CACNA1C: variants seen among roughly 807,000 people sequenced by gnomAD.
CACNA1C encodes voltage-dependent L-type calcium channel subunit alpha-1C.
Under a neutral mutation model 229.0 loss-of-function variants are expected in CACNA1C, and 30 were observed. That is an observed-to-expected ratio of 0.13 (90% CI 0.10 to 0.18). The LOEUF (loss-of-function observed/expected upper bound fraction) is 0.18. Among genes scored for constraint, CACNA1C ranks in the 10% least tolerant of loss-of-function variants. The pLI, the probability that CACNA1C is intolerant of heterozygous loss-of-function variation, is 1.00. For missense variants in CACNA1C, 1,658 were observed against 2,845.0 expected (o/e 0.58, Z 9.49); for synonymous variants, 1,114 against 1,132.5 (o/e 0.98, Z 0.33).
Position 2,054,505 on chromosome 12 carries a change from A to G in CACNA1C, c.49+894A>G, listed in dbSNP as rs958142970. Among the ~76,000 whole-genome samples the G allele has an allele frequency of 2.0e-5, 3 of 152,088 alleles. No homozygotes were observed. Among genetic ancestry groups the G allele is most frequent in the Non-Finnish European group, 4.4e-5 (3 of 68,000 alleles). Reference sequence around the variant, plus strand: ...TCCATCCTTGGCCGCGAGTGTCACCAGCTCCCCCTGTGATGGTGAAAGGCA... The same window carrying G: ...TCCATCCTTGGCCGCGAGTGTCACCGGCTCCCCCTGTGATGGTGAAAGGCA... On this transcript the variant is annotated intron_variant, in intron 1 of 46. Coordinates refer to ENST00000399655, the MANE Select transcript of CACNA1C (RefSeq NM_000719.7). This position sits in a 1 kb window ranked among gnomAD's most constrained non-coding sequence, Gnocchi z 5.5.
intron 9 of CACNA1C, among the ~76,000 whole-genome samples, chr12:2,537,627 A>G (rs1384960526): frequency 1.3e-5 from 2 of 152,232 alleles, no homozygotes; most frequent in African/African-American, 4.8e-5. Context: ...GTGGGTGACC[A>G]TCTGGCATGT....
rs1173696227 is a variant in CACNA1C at position 2,597,313 on chromosome 12, TC to T, written c.2853+26del. 2.3e-5 allele frequency: 37 copies of T among 1,578,068 alleles called. No homozygotes were observed. Among genetic ancestry groups the T allele is most frequent in the Non-Finnish European group, 3.1e-5 (36 of 1,147,458 alleles). ...AGGTAAAGCCCCCATCCCCTTCTGC[TC>T]CTCCTGTCCCCCTTGTGCCAGCACC... On this transcript the variant is annotated intron_variant, in intron 21 of 46. Coordinates refer to ENST00000399655, the MANE Select transcript of CACNA1C (RefSeq NM_000719.7). This position sits in a 1 kb window ranked among gnomAD's most constrained non-coding sequence, Gnocchi z 4.3.
At chr12:2,528,641 C>T (rs113620457) in intron 9 of CACNA1C, among the ~76,000 whole-genome samples, 10 of 152,260 alleles carry the variant, frequency 6.6e-5, no homozygotes, top group Non-Finnish European at 1.3e-4. Flanking sequence ...GCGGAGAAAG[C>T]GTTTGTTCAC....
chr12:2,304,913 A>C (rs536510211), intron 3 of CACNA1C, among the ~76,000 whole-genome samples: 2 of 152,162 alleles, frequency 1.3e-5, no homozygotes, highest in African/African-American at 4.8e-5. Flanking sequence ...CGGGGGCTTT[A>C]TGTTTTTACA....
rs140069350 is a variant in CACNA1C, at chr12:2,518,880, C to G, written c.1390+5896C>G. 2.6e-3 allele frequency among the ~76,000 whole-genome samples: 394 copies of G among 152,318 alleles called. 5 individuals are homozygous for G. Among genetic ancestry groups the G allele is most frequent in the African/African-American group, 8.9e-3 (371 of 41,586 alleles). On this transcript the variant is annotated intron_variant, in intron 9 of 46. Coordinates refer to ENST00000399655, the MANE Select transcript of CACNA1C (RefSeq NM_000719.7). ...CCTGGGCCTTCACGTTAACTCTTAG[C>G]TGGTCCTAATCAGAGCCCTGGAAAC...
chr12:2,533,176 G>A (rs150535804), intron 9 of CACNA1C, among the ~76,000 whole-genome samples: 30 of 152,284 alleles, frequency 2.0e-4, no homozygotes, highest in African/African-American at 6.0e-4. Context: ...GTTCATCCCC[G>A]TCTGTTCTTT....
At chr12:2,626,175 G>T (rs1304041632) in intron 29 of CACNA1C, among the ~76,000 whole-genome samples, 1 of 152,226 alleles carries the variant, frequency 6.6e-6, no homozygotes, top group Non-Finnish European at 1.5e-5. Flanking sequence ...CTGGAGCTGG[G>T]CATGGCTCCC....
At chr12:2,434,982 C>T (rs1481941187) in intron 3 of CACNA1C, among the ~76,000 whole-genome samples, 5 of 152,232 alleles carry the variant, frequency 3.3e-5, no homozygotes, top group Admixed American at 3.3e-4. Context: ...CCCAAGTCAA[C>T]GTGGATGTTA....
chr12:2,379,543 G>T (rs1033441409), intron 3 of CACNA1C, among the ~76,000 whole-genome samples: 33 of 152,118 alleles, frequency 2.2e-4, no homozygotes, highest in Non-Finnish European at 4.9e-4. Flanking sequence ...TTCTTGGTCT[G>T]CCTCCTAGGA....
intron 3 of CACNA1C, among the ~76,000 whole-genome samples, chr12:2,224,219 G>A (rs2062255252): frequency 6.6e-6 from 1 of 152,138 alleles, no homozygotes. Flanking sequence ...TGGGAGCTGG[G>A]AAATGAAGTT....
chr12:2,368,827 A>G (rs945535567), intron 3 of CACNA1C, among the ~76,000 whole-genome samples: 1 of 152,106 alleles, frequency 6.6e-6, no homozygotes, highest in African/African-American at 2.4e-5. Flanking sequence ...ATAATTCTAG[A>G]ATTTATCTGG....
chr12:2,406,048 C>T (rs960500622), intron 3 of CACNA1C, among the ~76,000 whole-genome samples: 1 of 152,342 alleles, frequency 6.6e-6, no homozygotes, highest in African/African-American at 2.4e-5. Context: ...TTGGTTGACA[C>T]TTTCCTTCAT....
chr12:2,083,141 C>T (rs11062112), intron 1 of CACNA1C, among the ~76,000 whole-genome samples: 2,419 of 152,278 alleles, frequency 0.016, 56 homozygotes, highest in African/African-American at 0.055. Flanking sequence ...ACACTGTCAT[C>T]ATTCTTTGGA....
At position 2,597,997 on chromosome 12, in the gene CACNA1C, T is replaced by C. The variant is rs1402083374; in HGVS notation, c.2853+708T>C. Among the ~76,000 whole-genome samples the C allele has an allele frequency of 6.6e-6, 1 of 152,198 alleles. No individual in the cohort carries two copies. Among genetic ancestry groups the C allele is most frequent in the African/African-American group, 2.4e-5 (1 of 41,452 alleles). On this transcript the variant is annotated intron_variant, in intron 21 of 46. Coordinates refer to ENST00000399655, the MANE Select transcript of CACNA1C (RefSeq NM_000719.7). The surrounding 1 kb of genome is among the most constrained non-coding windows in gnomAD (Gnocchi z 4.3). The stretch of plus-strand genomic sequence containing the variant: ...CCTTCCTCAGTACTTGCAGCAGATA[T>C]TGGGTCTAAGCTGGAGTTGGGGCTG...
At chr12:2,554,756 C>T (rs745593393) in intron 10 of CACNA1C, among the ~76,000 whole-genome samples, 3 of 152,178 alleles carry the variant, frequency 2.0e-5, no homozygotes, top group Non-Finnish European at 2.9e-5. Flanking sequence ...AGAACCAAGG[C>T]GTTCAGACGT....
chr12:2,229,949 G>C (rs1377098368), intron 3 of CACNA1C, among the ~76,000 whole-genome samples: 3 of 152,202 alleles, frequency 2.0e-5, no homozygotes, highest in Non-Finnish European at 4.4e-5. Flanking sequence ...GCTATCCCAG[G>C]TGAGCATGGC....
rs1195724102 is a variant in CACNA1C, at chr12:2,108,502, T to C, written c.50-6722T>C. On this transcript the variant is annotated intron_variant, in intron 1 of 46. Coordinates refer to ENST00000399655, the MANE Select transcript of CACNA1C (RefSeq NM_000719.7). This position sits in a 1 kb window ranked among gnomAD's most constrained non-coding sequence, Gnocchi z 5.3. ...CCCACCTGACGTAGTTTTGATTCAG[T>C]TCTTGATTGGCAAAAGTTGTGTCAG... Among the ~76,000 whole-genome samples, 1 of 152,232 alleles carries C rather than the reference T, an allele frequency of 6.6e-6. No homozygotes were observed.
At chr12:2,010,614 T>C (rs1298132538) in intron 1 of CACNA1C, among the ~76,000 whole-genome samples, 1 of 152,224 alleles carries the variant, frequency 6.6e-6, no homozygotes, top group Non-Finnish European at 1.5e-5. Context: ...ATTAATTTAC[T>C]GTCACTGTCA....
intron 1 of CACNA1C, among the ~76,000 whole-genome samples, chr12:1,982,983 CTTGAG>C (rs1224195598): frequency 1.3e-5 from 2 of 151,984 alleles, no homozygotes; most frequent in Non-Finnish European, 2.9e-5. Context: ...ACCTATTTTT[CTTGAG>C]TTAATTCTGA....
Sources: allele counts gnomAD v4.1 joint callset (sites outside exome capture counted in the v4.1 genomes callset), GRCh38; gene constraint gnomAD v4.1.1; non-coding constraint Gnocchi (gnomAD v3.1); transcripts MANE v1.5; gene names NCBI Gene and HGNC (gene_info 2026-07-23, HGNC 2026-07-21).